The following NUP160 variants were observed in gnomAD, a reference collection of about 807,000 sequenced individuals.
NUP160 encodes the protein nuclear pore complex protein Nup160.
Under a neutral mutation model 196.9 loss-of-function variants are expected in NUP160, and 94 were observed. The ratio of observed to expected loss-of-function variants is 0.48; its 90% confidence interval spans 0.40 to 0.57. The LOEUF is 0.57. Ranked by LOEUF, NUP160 falls within the 20% of genes least tolerant of loss-of-function variation. The pLI, the probability that NUP160 is intolerant of heterozygous loss-of-function variation, is 0.00. For synonymous variants in NUP160, 605 were observed against 619.7 expected, an observed-to-expected ratio of 0.98 and a Z score of 0.35; for missense variants, 1,638 against 1,748.3, an observed-to-expected ratio of 0.94 and a Z score of 1.13.
chr11:47,782,284 T>A (rs2097661329), intron 34 of NUP160, among the ~76,000 whole-genome samples: 2 of 62,788 alleles, frequency 3.2e-5, no homozygotes, highest in Non-Finnish European at 2.7e-5. Context: ...AGAGCAAAAC[T>A]CAGTTAAAAA....
chr11:47,816,124 A>G (rs2097684291), intron 11 of NUP160, 95 bp from the exon 12 acceptor site: 7 of 798,600 alleles, frequency 8.8e-6, no homozygotes, highest in African/African-American at 1.8e-5. Context: ...ATAAAACTAT[A>G]TAATAGAGAT....
intron 5 of NUP160, 121 bp downstream of exon 5, chr11:47,837,424 T>C (rs1206108764): frequency 2.6e-6 from 2 of 760,468 alleles, no homozygotes; most frequent in Non-Finnish European, 4.5e-6. Flanking sequence ...AATGTTATTC[T>C]GACTGTTCTC....
chr11:47,840,663 A>T lies in NUP160; in HGVS notation c.315-75T>A. 4 of 1,214,224 alleles carry T rather than the reference A, an allele frequency of 3.3e-6. No homozygotes were observed. The South Asian group carries it at 6.4e-5, about 20-fold the overall frequency. The allele number at this position is 1,214,224 out of a possible 1,614,324, so 75.2% of individuals were successfully genotyped here. On this transcript the variant is annotated intron_variant, in intron 2 of 35. Coordinates refer to ENST00000378460, the Ensembl canonical transcript of NUP160. ...CTGTTCTACTGAAATATATGAGAACAGTGTCCAAGTGAACTCACCAAATTT... is the reference window on the plus strand; with the variant it reads ...CTGTTCTACTGAAATATATGAGAACTGTGTCCAAGTGAACTCACCAAATTT...
chr11:47,808,889 C>T (rs1847360852), intron 17 of NUP160, among the ~76,000 whole-genome samples: 2 of 151,942 alleles, frequency 1.3e-5, no homozygotes, highest in South Asian at 4.1e-4. Flanking sequence ...TCACTTGACC[C>T]AAAATTTCGA....
At chr11:47,796,369 C>T in intron 27 of NUP160, 2 of 591,454 alleles carry the variant, frequency 3.4e-6, no homozygotes, top group Admixed American at 2.6e-5. Context: ...TTTATCCTTA[C>T]AAATTGCTGT....
chr11:47,804,435 C>G, intron 21 of NUP160, 114 bp downstream of exon 21: 1 of 702,606 alleles, frequency 1.4e-6, no homozygotes, highest in South Asian at 1.8e-5. Flanking sequence ...TTCACATAAT[C>G]AAGTTTAAAT....
chr11:47,791,666 G>T (rs2097667986), intron 29 of NUP160, among the ~76,000 whole-genome samples: 1 of 151,958 alleles, frequency 6.6e-6, no homozygotes, highest in African/African-American at 2.4e-5. Flanking sequence ...ATATTTCTAG[G>T]CTATGTGGTT....
intron 27 of NUP160, among the ~76,000 whole-genome samples, chr11:47,794,294 C>T (rs2097669620): frequency 2.0e-5 from 3 of 152,122 alleles, no homozygotes; most frequent in South Asian, 2.1e-4. Flanking sequence ...GAGATCGAGA[C>T]CATCCTGGCC....
At chr11:47,808,454 A>G (rs2097679043) in exon 18 of NUP160, 1 of 1,613,772 alleles carries the variant, frequency 6.2e-7, no homozygotes, top group Non-Finnish European at 8.5e-7. Context: ...ATGAGGTAAT[A>G]AGATAAGAGT....
At chr11:47,791,712 G>A (rs1287498096) in intron 29 of NUP160, among the ~76,000 whole-genome samples, 1 of 152,118 alleles carries the variant, frequency 6.6e-6, no homozygotes. Context: ...ACAATCTCCA[G>A]AAAAAGAATC....
At chr11:47,833,013 TA>T (rs1234139755) in intron 7 of NUP160, among the ~76,000 whole-genome samples, 2 of 152,200 alleles carry the variant, frequency 1.3e-5, no homozygotes, top group African/African-American at 2.4e-5. Context: ...GAATGATAGC[TA>T]AAAGGTATGG....
exon 6 of NUP160, chr11:47,836,929 A>T: frequency 6.2e-7 from 1 of 1,613,726 alleles, no homozygotes. Context: ...GACACAAAGC[A>T]AAGATGAAGG....
rs1565185275 is a variant in NUP160 at position 47,783,683 on chromosome 11, C to T, written c.3991-485G>A. Among the ~76,000 whole-genome samples the T allele has an allele frequency of 2.6e-5, 4 of 152,118 alleles. No homozygotes were observed. The East Asian group carries it at 5.8e-4, about 22-fold the overall frequency. On this transcript the variant is annotated intron_variant, in intron 33 of 35. Coordinates refer to ENST00000378460, the Ensembl canonical transcript of NUP160. Reference sequence around the variant, plus strand: ...CATGCTTTCTATATTCCCATTTGATCACAATCTTACCTTTACCATCTTAGC... The same window carrying T: ...CATGCTTTCTATATTCCCATTTGATTACAATCTTACCTTTACCATCTTAGC...
Position 47,801,848 on chromosome 11 carries a change from T to TC in NUP160, c.2857dup (p.Glu953GlyfsTer12). The TC allele has an allele frequency of 6.2e-7, 1 of 1,613,972 alleles. No individual in the cohort carries two copies. Among genetic ancestry groups the TC allele is most frequent in the Non-Finnish European group, 8.5e-7 (1 of 1,179,890 alleles). On this transcript the variant is annotated frameshift_variant, in exon 23 of 36. Transcript: ENST00000378460. LOFTEE classifies it high-confidence loss of function. ...CTGCAGCCTGGGGGTAGACACGATC[T>TC]CCCCATCCTCTGAGCGAATCAAGCG...
rs760289254 is a variant in NUP160, at chr11:47,801,936, G to A, written c.2776-6C>T. The A allele has an allele frequency of 1.5e-5, 24 of 1,613,288 alleles. No individual in the cohort carries two copies. The East Asian group carries it at 4.9e-4, about 33-fold the overall frequency. The stretch of plus-strand genomic sequence containing the variant: ...TGACAAAAACATTCCAGAGCCTGGA[G>A]AAATAAAATATAAAATGACTTGTAA... On this transcript the variant is annotated splice_region_variant and splice_polypyrimidine_tract_variant and intron_variant, in intron 22 of 35. Transcript: ENST00000378460.
chr11:47,801,373 C>T (rs990883952), intron 23 of NUP160, among the ~76,000 whole-genome samples: 2 of 151,422 alleles, frequency 1.3e-5, no homozygotes, highest in East Asian at 1.9e-4. Flanking sequence ...TTTTTGGAGA[C>T]GGAGTCTCGC....
intron 17 of NUP160, among the ~76,000 whole-genome samples, chr11:47,809,197 T>C (rs866124961): frequency 1.8e-4 from 23 of 130,094 alleles, no homozygotes; most frequent in South Asian, 7.4e-4. Context: ...AAGGCTGCAG[T>C]GGGCCGAGAT....
At chr11:47,841,088 A>G (rs72895725) in intron 2 of NUP160, among the ~76,000 whole-genome samples, 2,285 of 152,306 alleles carry the variant, frequency 0.015, 19 homozygotes, top group Non-Finnish European at 0.022. Context: ...TACAAAAATA[A>G]ATATTTTAAT....
At chr11:47,787,862 C>T (rs1385315323) in intron 31 of NUP160, among the ~76,000 whole-genome samples, 9 of 152,206 alleles carry the variant, frequency 5.9e-5, no homozygotes, top group East Asian at 3.9e-4. Flanking sequence ...GGACTACAGG[C>T]GCCCGCCACC....
Sources: gnomAD v4.1 joint callset for allele counts (sites outside exome capture counted in the v4.1 genomes callset) on GRCh38, gnomAD v4.1.1 for gene constraint, MANE v1.5 for transcripts, NCBI Gene and HGNC (gene_info 2026-07-23, HGNC 2026-07-21) for gene names.